CROCC2: variants seen among roughly 807,000 people sequenced by gnomAD.
CROCC2 encodes ciliary rootlet coiled-coil, rootletin family member 2.
CROCC2 carries 163 observed loss-of-function variants against 177.6 expected under a neutral mutation model. The observed-to-expected ratio is 0.92, with a 90% CI of 0.81 to 1.05. CROCC2 has a LOEUF of 1.05. Among genes scored for constraint, CROCC2 ranks in the 50% least tolerant of loss-of-function variants. CROCC2 has a pLI of 0.00. For synonymous variants in CROCC2, 904 were observed against 787.3 expected (o/e 1.15, Z -2.48); for missense variants, 1,929 against 1,797.8 (o/e 1.07, Z -1.32).
intron 27 of CROCC2, among the ~76,000 whole-genome samples, chr2:240,976,509 A>G: frequency 8.3e-6 from 1 of 120,846 alleles, no homozygotes; most frequent in African/African-American, 3.3e-5. Context: ...ATCCCTGCTC[A>G]GTCTCTGGGG....
rs540779159 is a variant in CROCC2 at position 240,918,819 on chromosome 2, G to C, written c.172G>C (p.Val58Leu). The C allele has an allele frequency of 4.8e-6, 3 of 618,598 alleles. No individual in the cohort carries two copies. The highest frequency in any genetic ancestry group is 2.8e-5 in the Admixed American group (1 of 36,268). 38.3% of individuals were successfully genotyped at this position (618,598 alleles called of 1,614,324 possible). The change falls in exon 2 of 32, where the codon GTG becomes CTG. Residue 58 changes from valine to leucine, a missense_variant. Transcript: ENST00000690015. This position sits in a 1 kb window ranked among gnomAD's most constrained non-coding sequence, Gnocchi z 6.3. ...GEGRQASPTP[V>L]PTRIREIVAG... is the part of the protein sequence containing the mutation. ...AGGCCGGCAGGCCTCGCCCACCCCC[G>C]TGCCCACCCGCATCCGTGAGATCGT...
chr2:240,990,277 G>A (rs1228563335), intron 30 of CROCC2, among the ~76,000 whole-genome samples: 2 of 152,318 alleles, frequency 1.3e-5, no homozygotes, highest in Admixed American at 6.5e-5. Flanking sequence ...GGATGAGGTG[G>A]GCACAGTGAG....
chr2:240,991,664 TCCTCCCAGCCTGCCCCCGCCTGGCAC>T lies in CROCC2; in HGVS notation c.4946+413_4946+438del, dbSNP rs1184403512. 2.7e-4 allele frequency among the ~76,000 whole-genome samples: 41 copies of T among 151,974 alleles called. 1 individual carries two copies. The highest frequency in any genetic ancestry group is 6.0e-4 in the African/African-American group (25 of 41,448). ...CCGGCAGAGAGCAGGGGCTTGGGCA[TCCTCCCAGCCTGCCCCCGCCTGGCAC>T]CCTCCCAGCCTGCCCCCGCCTGGCA... On this transcript the variant is annotated intron_variant, in intron 31 of 31. Transcript: ENST00000690015.
At chr2:240,940,072 T>A (rs1348136189) in intron 14 of CROCC2, among the ~76,000 whole-genome samples, 3 of 152,150 alleles carry the variant, frequency 2.0e-5, no homozygotes, top group Admixed American at 1.3e-4. Flanking sequence ...AAGTCCTTAC[T>A]GGGGTTTTTT....
intron 1 of CROCC2, among the ~76,000 whole-genome samples, chr2:240,907,246 G>A (rs553488490): frequency 8.5e-5 from 13 of 152,234 alleles, no homozygotes; most frequent in African/African-American, 2.4e-4. Flanking sequence ...TTCTGTCTTC[G>A]TAGCACCTGG....
At chr2:240,911,994 C>T (rs2059291722) in intron 1 of CROCC2, among the ~76,000 whole-genome samples, 1 of 152,188 alleles carries the variant, frequency 6.6e-6, no homozygotes, top group South Asian at 2.1e-4. Context: ...TCAATTCTTT[C>T]GGGCAGATGC....
chr2:240,928,887 G>A (rs1325676722), intron 5 of CROCC2, among the ~76,000 whole-genome samples: 1 of 149,772 alleles, frequency 6.7e-6, no homozygotes, highest in Admixed American at 6.6e-5. Flanking sequence ...GGCCAGGTAT[G>A]GGTTCACAGA....
chr2:240,991,852 G>A (rs182944662), intron 31 of CROCC2, among the ~76,000 whole-genome samples: 7 of 152,306 alleles, frequency 4.6e-5, no homozygotes, highest in Admixed American at 1.3e-4. Context: ...TCCACCAACC[G>A]GAGCCAAAAA....
chr2:240,935,413 G>C lies in CROCC2; in HGVS notation c.1994G>C (p.Arg665Pro), dbSNP rs546280298. 1 of 1,374,170 alleles carries C rather than the reference G, an allele frequency of 7.3e-7. No homozygotes were observed. Among genetic ancestry groups the C allele is most frequent in the South Asian group, 1.8e-5 (1 of 55,134 alleles). 85.1% of individuals were successfully genotyped at this position (1,374,170 alleles called of 1,614,324 possible). A position where few individuals can be genotyped will look rare whatever the true frequency, so the allele number is the denominator to read the frequency against. ...REQRKTLEQERARAGEQLAQA... is the reference protein window; with the variant it reads ...REQRKTLEQEPARAGEQLAQA... ...CAGCGGAAGACTCTGGAGCAGGAAC[G>C]GGCCCGGGCCGGGGAGCAGCTGGCA... The change falls in exon 14 of 32, where the codon CGG (arginine) becomes CCG (proline). Residue 665 changes from arginine (R) to proline (P), a missense_variant. Arg to Pro is a moderately radical substitution (Grantham distance 103). This residue lies in a region of CROCC2 where 1,397 missense variants were observed against 1,239.9 expected (regional missense o/e 1.13). Coordinates refer to ENST00000690015, the MANE Select transcript of CROCC2 (RefSeq NM_001351305.2).
intron 5 of CROCC2, among the ~76,000 whole-genome samples, chr2:240,926,701 G>A (rs1032687072): frequency 1.3e-5 from 2 of 152,358 alleles, no homozygotes; most frequent in East Asian, 3.9e-4. Context: ...TCCCAGAGGG[G>A]CCGCCACTCG....
At chr2:240,934,282 G>C (rs1574760100) in intron 11 of CROCC2, 49 bp from the exon 12 acceptor site, 1 of 1,534,318 alleles carries the variant, frequency 6.5e-7, no homozygotes, top group East Asian at 2.5e-5. Flanking sequence ...CCATGGGGCA[G>C]CCACTGCTCA....
In CROCC2 at chr2:240,949,113, T is replaced by C. The variant is rs2059539053; in HGVS notation, c.2482+16T>C. ...GCCTTGCAAGGTGCTCCAAGGGCGC[T>C]CCCTCAGCTCCTTCCCCGAAAGTCA... On this transcript the variant is annotated intron_variant, in intron 16 of 31. Transcript: ENST00000690015. The surrounding 1 kb of genome is among the most constrained non-coding windows in gnomAD (Gnocchi z 4.5). 16 of 1,508,786 alleles carry C rather than the reference T, an allele frequency of 1.1e-5. No individual in the cohort carries two copies. The highest frequency in any genetic ancestry group is 2.3e-5 in the Admixed American group (1 of 43,912). 93.5% of individuals were successfully genotyped at this position (1,508,786 alleles called of 1,614,324 possible). A position where few individuals can be genotyped will look rare whatever the true frequency, so the allele number is the denominator to read the frequency against.
In CROCC2 at chr2:240,958,128, G is replaced by A. The variant is rs927032113; in HGVS notation, c.2944-1173G>A. 1 of 985,336 alleles carries A rather than the reference G, an allele frequency of 1.0e-6. No homozygotes were observed. The highest frequency in any genetic ancestry group is 1.7e-5 in the African/African-American group (1 of 57,240). The allele number at this position is 985,336 out of a possible 1,614,324, so 61.0% of individuals were successfully genotyped here. A position where few individuals can be genotyped will look rare whatever the true frequency, so the allele number is the denominator to read the frequency against. ...AAAATGGAAATTAAAACTGTTGAGA[G>A]GAGCGGGAGGAGAGGAATGCCGGCC... is the stretch of plus-strand genomic sequence containing the variant. On this transcript the variant is annotated intron_variant, in intron 19 of 31. Transcript: ENST00000690015. This position sits in a 1 kb window ranked among gnomAD's most constrained non-coding sequence, Gnocchi z 6.7.
Position 240,965,952 on chromosome 2 carries a change from GC to G in CROCC2, c.3923del (p.Pro1308ArgfsTer85). The G allele has an allele frequency of 1.4e-6, 2 of 1,397,824 alleles. No homozygotes were observed. The highest frequency in any genetic ancestry group is 1.8e-6 in the Non-Finnish European group (2 of 1,081,530). 86.6% of individuals were successfully genotyped at this position (1,397,824 alleles called of 1,614,324 possible). On this transcript the variant is annotated frameshift_variant, in exon 24 of 32. Transcript: ENST00000690015. LOFTEE classifies it high-confidence loss of function. ...LRRGLGLQRQ[S>X]PWASPEQPGS... is the part of the protein sequence containing the mutation. The stretch of plus-strand genomic sequence containing the variant: ...CGTGGCCTGGGGCTCCAGAGACAGA[GC>G]CCGTGGGCCTCCCCGGAGCAGCCTG...
intron 1 of CROCC2, among the ~76,000 whole-genome samples, chr2:240,913,555 A>C (rs144920394): frequency 2.5e-3 from 376 of 152,236 alleles, no homozygotes; most frequent in African/African-American, 8.7e-3. Flanking sequence ...CATAGAAGGG[A>C]GTGAGAAGTT....
At chr2:240,957,048 T>A (rs1479701440) in intron 19 of CROCC2, among the ~76,000 whole-genome samples, 1 of 152,032 alleles carries the variant, frequency 6.6e-6, no homozygotes, top group Non-Finnish European at 1.5e-5. Context: ...TGGCAGGGGC[T>A]GGCCCTGAAT....
At position 240,993,093 on chromosome 2, in the gene CROCC2, C is replaced by T. The variant is rs1574804913; in HGVS notation, c.*12C>T. 1 of 716,786 alleles carries T rather than the reference C, an allele frequency of 1.4e-6. No individual in the cohort carries two copies. The highest frequency in any genetic ancestry group is 1.7e-5 in the African/African-American group (1 of 57,254). 44.4% of individuals were successfully genotyped at this position (716,786 alleles called of 1,614,324 possible). A position where few individuals can be genotyped will look rare whatever the true frequency, so the allele number is the denominator to read the frequency against. On this transcript the variant is annotated 3_prime_UTR_variant, in exon 32 of 32. Coordinates refer to ENST00000690015, the MANE Select transcript of CROCC2 (RefSeq NM_001351305.2). ...CCCAAAGGGACTGAAGCTCCCAGCA[C>T]AGGGGAGGCGCCCAGCGTGGCTGCA...
chr2:240,950,290 C>T, intron 17 of CROCC2, 44 bp from the exon 18 acceptor site: 2 of 1,527,980 alleles, frequency 1.3e-6, no homozygotes, highest in Non-Finnish European at 8.8e-7. Flanking sequence ...AACTGCTGGC[C>T]TCACCTGCCG....
Position 240,959,399 on chromosome 2 carries a change from G to C in CROCC2, c.3042G>C (p.Glu1014Asp). The C allele has an allele frequency of 1.3e-6, 2 of 1,550,476 alleles. No individual in the cohort carries two copies. The highest frequency in any genetic ancestry group is 8.7e-7 in the Non-Finnish European group (1 of 1,146,888). ...AHQRETTALR[E>D]SLQDLAAERG... ...AGAGGGAGACCACGGCCCTACGCGA[G>C]AGCCTCCAGGACCTAGCGGCTGAGC... Residue 1014 changes from glutamate to aspartate, a missense_variant, in exon 20 of 32, where the codon GAG becomes GAC. By Grantham distance (45) the Glu-to-Asp change is conservative. Coordinates refer to ENST00000690015, the MANE Select transcript of CROCC2 (RefSeq NM_001351305.2).
Sources: allele counts gnomAD v4.1 joint callset (sites outside exome capture counted in the v4.1 genomes callset), GRCh38; gene constraint gnomAD v4.1.1; regional missense constraint gnomAD v4.1.1; non-coding constraint Gnocchi (gnomAD v3.1); transcripts MANE v1.5; gene names NCBI Gene and HGNC (gene_info 2026-07-23, HGNC 2026-07-21).